Variants in PTPRK observed in about 807,000 individuals in gnomAD.
PTPRK encodes protein tyrosine phosphatase receptor type K, also known as receptor-type tyrosine-protein phosphatase kappa.
PTPRK carries 75 observed loss-of-function variants against 178.0 expected under a neutral mutation model. That is an observed-to-expected ratio of 0.42 (90% CI 0.35 to 0.51). The LOEUF (loss-of-function observed/expected upper bound fraction) is 0.51. Among genes scored for constraint, PTPRK ranks in the 20% least tolerant of loss-of-function variants. PTPRK has a pLI of 0.02. For synonymous variants in PTPRK, 637 were observed against 620.6 expected, an observed-to-expected ratio of 1.03 and a Z score of -0.39; for missense variants, 1,441 against 1,797.8, an observed-to-expected ratio of 0.80 and a Z score of 3.59.
intron 6 of PTPRK, among the ~76,000 whole-genome samples, chr6:128,213,900 G>A (rs1241229126): frequency 1.3e-5 from 2 of 152,112 alleles, no homozygotes; most frequent in Non-Finnish European, 2.9e-5. Context: ...AAAGGAAAGA[G>A]TCTGGTGTAG....
At chr6:128,209,458 T>C (rs968481728) in intron 6 of PTPRK, among the ~76,000 whole-genome samples, 3 of 152,124 alleles carry the variant, frequency 2.0e-5, no homozygotes, top group African/African-American at 2.4e-5. Flanking sequence ...ACTATCCAAA[T>C]GCTACCCACC....
intron 8 of PTPRK, 125 bp downstream of exon 8, chr6:128,089,565 A>C: frequency 9.4e-7 from 1 of 1,067,008 alleles, no homozygotes; most frequent in South Asian, 1.6e-5. Context: ...AGTTAATCTC[A>C]TTAATAACAT....
intron 22 of PTPRK, among the ~76,000 whole-genome samples, chr6:127,983,655 T>A (rs975688577): frequency 6.6e-6 from 1 of 152,218 alleles, no homozygotes; most frequent in Admixed American, 6.5e-5. Context: ...ACAATTTTCA[T>A]TTTATGTAAA....
At chr6:128,074,269 G>A (rs1783368784) in intron 11 of PTPRK, among the ~76,000 whole-genome samples, 1 of 151,986 alleles carries the variant, frequency 6.6e-6, no homozygotes, top group Admixed American at 6.6e-5. Flanking sequence ...TTTGGAAAAT[G>A]CTGAAATAAA....
intron 3 of PTPRK, among the ~76,000 whole-genome samples, chr6:128,270,665 T>A (rs1408885761): frequency 6.6e-6 from 1 of 152,184 alleles, no homozygotes; most frequent in African/African-American, 2.4e-5. Flanking sequence ...TATATATGCG[T>A]CTTTAGATAA....
At chr6:128,342,921 TA>T (rs772077585) in intron 2 of PTPRK, among the ~76,000 whole-genome samples, 1 of 149,984 alleles carries the variant, frequency 6.7e-6, no homozygotes, top group African/African-American at 2.4e-5. Flanking sequence ...GCCTCATTTC[TA>T]AAAAAAAACA....
At chr6:128,257,974 A>T (rs946247757) in intron 3 of PTPRK, among the ~76,000 whole-genome samples, 18 of 152,130 alleles carry the variant, frequency 1.2e-4, no homozygotes, top group African/African-American at 3.9e-4. Flanking sequence ...ATAGACCTAA[A>T]CTTTATTGTC....
At chr6:128,214,698 C>T (rs1028793354) in intron 6 of PTPRK, among the ~76,000 whole-genome samples, 1 of 152,020 alleles carries the variant, frequency 6.6e-6, no homozygotes, top group Non-Finnish European at 1.5e-5. Flanking sequence ...AAATCATAGA[C>T]TACAAAGTGA....
intron 1 of PTPRK, among the ~76,000 whole-genome samples, chr6:128,427,026 T>C (rs1438635776): frequency 1.3e-5 from 2 of 152,208 alleles, no homozygotes; most frequent in African/African-American, 4.8e-5. Flanking sequence ...TTAAAGATTA[T>C]GATCTTCCTT....
chr6:128,090,545 G>C (rs1362193388), intron 7 of PTPRK, among the ~76,000 whole-genome samples: 1 of 152,008 alleles, frequency 6.6e-6, no homozygotes, highest in Non-Finnish European at 1.5e-5. Context: ...AAAATTACAA[G>C]AACATATGTA....
intron 18 of PTPRK, 62 bp downstream of exon 18, chr6:127,995,400 A>T: frequency 6.7e-7 from 1 of 1,484,028 alleles, no homozygotes; most frequent in East Asian, 2.3e-5. Context: ...ATAGGTAATA[A>T]GCAAAAAGGT....
At chr6:128,040,255 GA>G (rs1776946962) in intron 13 of PTPRK, among the ~76,000 whole-genome samples, 1 of 152,060 alleles carries the variant, frequency 6.6e-6, no homozygotes, top group Admixed American at 6.6e-5. Flanking sequence ...GAACTTGTCA[GA>G]AAAATAATAG....
At chr6:128,511,210 C>T (rs1387062967) in intron 1 of PTPRK, among the ~76,000 whole-genome samples, 1 of 152,178 alleles carries the variant, frequency 6.6e-6, no homozygotes, top group Non-Finnish European at 1.5e-5. Flanking sequence ...TGCCTCTTTC[C>T]TCTCTTTCTC....
intron 1 of PTPRK, among the ~76,000 whole-genome samples, chr6:128,431,106 T>C (rs1472544485): frequency 6.6e-6 from 1 of 151,792 alleles, no homozygotes; most frequent in Non-Finnish European, 1.5e-5. Flanking sequence ...GCCCGGCTAA[T>C]TTTTGTATTT....
chr6:128,226,824 T>C (rs1811423066), intron 5 of PTPRK, among the ~76,000 whole-genome samples: 1 of 141,202 alleles, frequency 7.1e-6, no homozygotes, highest in African/African-American at 2.6e-5. Context: ...ATCTATCTCC[T>C]ACTGGTTCTG....
intron 3 of PTPRK, among the ~76,000 whole-genome samples, chr6:128,295,235 C>A (rs1042286301): frequency 6.6e-6 from 1 of 152,034 alleles, no homozygotes. Context: ...CTTTTCTACC[C>A]TTCCAACCAC....
chr6:128,176,510 C>T (rs1801102390), intron 7 of PTPRK, among the ~76,000 whole-genome samples: 2 of 151,884 alleles, frequency 1.3e-5, no homozygotes, highest in Non-Finnish European at 1.5e-5. Flanking sequence ...TGAATTTGCA[C>T]AGATCTTGCT....
intron 13 of PTPRK, among the ~76,000 whole-genome samples, chr6:128,033,515 T>C (rs1775699318): frequency 6.6e-6 from 1 of 152,222 alleles, no homozygotes; most frequent in Admixed American, 6.5e-5. Flanking sequence ...TACTGATACA[T>C]GGATTTGAAA....
chr6:128,133,471 T>C (rs1414091361), intron 7 of PTPRK, among the ~76,000 whole-genome samples: 4 of 152,192 alleles, frequency 2.6e-5, no homozygotes, highest in African/African-American at 9.6e-5. Context: ...GAAATATCCA[T>C]ATGAAGTGGT....
Sources: allele counts gnomAD v4.1 joint callset (sites outside exome capture counted in the v4.1 genomes callset), GRCh38; gene constraint gnomAD v4.1.1; transcripts MANE v1.5; gene names NCBI Gene and HGNC (gene_info 2026-07-23, HGNC 2026-07-21).